EP300: variants seen among roughly 807,000 people sequenced by gnomAD.
EP300 encodes the protein histone acetyltransferase p300.
A neutral mutation model predicts 264.0 loss-of-function variants in EP300; 31 were observed. The observed-to-expected ratio is 0.12, with a 90% CI of 0.09 to 0.16. EP300 has a LOEUF of 0.16. EP300 is among the 10% of genes least tolerant of loss of function. The pLI is 1.00. For missense variants in EP300, 2,766 were observed against 3,052.9 expected (o/e 0.91, Z 2.21); for synonymous variants, 1,340 against 1,045.4 (o/e 1.28, Z -5.44).
At chr22:41,168,254 T>G (rs1462072244) in intron 23 of EP300, 195 bp from the exon 24 acceptor site, 4 of 607,108 alleles carry the variant, frequency 6.6e-6, no homozygotes, top group Non-Finnish European at 1.2e-5. Flanking sequence ...TAGAATGATA[T>G]GAAGATTAGC....
rs1601638344 is a variant in EP300 at position 41,175,388 on chromosome 22, G to T, written c.4780-859G>T. On this transcript the variant is annotated intron_variant, in intron 29 of 30. Transcript: ENST00000263253. ...TGTTTTACATTTTATTACTTTAATA[G>T]GTGTTTATAGTTATATACTAATTAA... Among the ~76,000 whole-genome samples the T allele has an allele frequency of 3.9e-5, 6 of 152,246 alleles. No homozygotes were observed. In the South Asian group the frequency reaches 1.2e-3, roughly 32 times the overall value.
intron 14 of EP300, among the ~76,000 whole-genome samples, chr22:41,151,488 A>G (rs1243454072): frequency 6.6e-6 from 1 of 152,156 alleles, no homozygotes; most frequent in Non-Finnish European, 1.5e-5. Flanking sequence ...AAAACAAGCC[A>G]GTCTTTCTTA....
At chr22:41,144,042 A>G (rs566384168) in intron 10 of EP300, among the ~76,000 whole-genome samples, 2 of 152,318 alleles carry the variant, frequency 1.3e-5, no homozygotes, top group South Asian at 2.1e-4. Flanking sequence ...AGTTGAAGGT[A>G]GGTAACTCTT....
Position 41,179,715 on chromosome 22 carries a change from GGTTTCT to G in EP300, c.*766_*771del. Reference sequence around the variant, plus strand: ...GCCAAATTGATGTATTATATATTGTGGTTTCTGTTTCTTGAAAGAATTTTTTTCGTT... The same window carrying G: ...GCCAAATTGATGTATTATATATTGTGGTTTCTTGAAAGAATTTTTTTCGTT... On this transcript the variant is annotated 3_prime_UTR_variant, in exon 31 of 31. Coordinates refer to ENST00000263253, the MANE Select transcript of EP300 (RefSeq NM_001429.4). 1 of 229,546 alleles carries G rather than the reference GGTTTCT, an allele frequency of 4.4e-6. No homozygotes were observed. Among genetic ancestry groups the G allele is most frequent in the East Asian group, 6.2e-5 (1 of 16,098 alleles). 14.2% of individuals were successfully genotyped at this position (229,546 alleles called of 1,614,324 possible).
At chr22:41,168,228 G>C (rs920435960) in intron 23 of EP300, 2 of 569,068 alleles carry the variant, frequency 3.5e-6, no homozygotes, top group Non-Finnish European at 3.1e-6. Flanking sequence ...TGCTTTAATA[G>C]CACATGTATT....
chr22:41,115,772 T>C (rs553854176), intron 1 of EP300, among the ~76,000 whole-genome samples: 1 of 152,318 alleles, frequency 6.6e-6, no homozygotes, highest in East Asian at 1.9e-4. Flanking sequence ...CATGGTGTTG[T>C]ACCCTATTCT....
chr22:41,110,666 C>T (rs1452136125), intron 1 of EP300, among the ~76,000 whole-genome samples: 4 of 152,038 alleles, frequency 2.6e-5, no homozygotes, highest in African/African-American at 7.2e-5. Context: ...GGCCTTCCAA[C>T]GTACTAGGAT....
intron 3 of EP300, among the ~76,000 whole-genome samples, chr22:41,126,975 C>A (rs1239470956): frequency 6.6e-6 from 1 of 151,980 alleles, no homozygotes; most frequent in South Asian, 2.1e-4. Flanking sequence ...AACTCCCGAC[C>A]TCAGGTGATC....
Position 41,092,765 on chromosome 22 carries a change from C to T in EP300, c.-240C>T, listed in dbSNP as rs2058679692. 9.6e-6 allele frequency: 6 copies of T among 622,138 alleles called. No individual in the cohort carries two copies. Among genetic ancestry groups the T allele is most frequent in the South Asian group, 1.9e-5 (1 of 52,370 alleles). 38.5% of individuals were successfully genotyped at this position (622,138 alleles called of 1,614,324 possible). On this transcript the variant is annotated 5_prime_UTR_variant, in exon 1 of 31. Coordinates refer to ENST00000263253, the MANE Select transcript of EP300 (RefSeq NM_001429.4). ...GCTCGGCGAATTTGTGCTCTTGTGC[C>T]CTCCTCCGGGCTTGGGCCCAGGCCC...
At chr22:41,111,175 A>AGGCTGGTCTT (rs1280456471) in intron 1 of EP300, among the ~76,000 whole-genome samples, 1 of 151,958 alleles carries the variant, frequency 6.6e-6, no homozygotes, top group Non-Finnish European at 1.5e-5. Flanking sequence ...CACGTTGGCC[A>AGGCTGGTCTT]GGCTGGTCTT....
Position 41,097,574 on chromosome 22 carries a change from A to G in EP300, c.94+4476A>G, listed in dbSNP as rs1176451334. Among the ~76,000 whole-genome samples the G allele has an allele frequency of 2.0e-5, 3 of 152,210 alleles. No individual in the cohort carries two copies. The East Asian group carries it at 5.8e-4, about 29-fold the overall frequency. ...TTGCAGATACAAGTGGGAGTGTAAA[A>G]TACTTTTTCCTGGTATATTTACAAA... is the stretch of plus-strand genomic sequence containing the variant. On this transcript the variant is annotated intron_variant, in intron 1 of 30. Transcript: ENST00000263253.
chr22:41,140,959 T>C (rs1229245320), intron 9 of EP300, 89 bp from the exon 10 acceptor site: 1 of 1,260,576 alleles, frequency 7.9e-7, no homozygotes, highest in Non-Finnish European at 1.1e-6. Flanking sequence ...AAAATGAAAC[T>C]AATATCTATT....
Position 41,178,060 on chromosome 22 carries a change from A to G in EP300, c.6349A>G (p.Thr2117Ala), listed in dbSNP as rs998587751. Residue 2117 changes from threonine to alanine, a missense_variant, in exon 31 of 31, where the codon ACC becomes GCC. Coordinates refer to ENST00000263253, the MANE Select transcript of EP300 (RefSeq NM_001429.4). ...GGGGCAGCCAGGGCTACAGCCACCT[A>G]CCATGCCAGGTCAGCAGGGGGTCCA... The part of the protein sequence containing the change: ...PQGQPGLQPP[T>A]MPGQQGVHSN... 4 of 1,614,018 alleles carry G rather than the reference A, an allele frequency of 2.5e-6. No individual in the cohort carries two copies. The African/African-American group carries it at 4.0e-5, about 16-fold the overall frequency.
At chr22:41,157,109 C>A in intron 17 of EP300, 60 bp from the exon 18 acceptor site, 1 of 1,604,502 alleles carries the variant, frequency 6.2e-7, no homozygotes, top group South Asian at 1.1e-5. Context: ...ATGGATGATA[C>A]TCCATCTCCC....
intron 1 of EP300, among the ~76,000 whole-genome samples, chr22:41,107,848 G>A (rs1221407939): frequency 1.3e-5 from 2 of 151,994 alleles, no homozygotes; most frequent in Non-Finnish European, 2.9e-5. Context: ...TTACAGGCAT[G>A]TGCCACCACA....
Position 41,092,859 on chromosome 22 carries a change from A to G in EP300, c.-146A>G. On this transcript the variant is annotated 5_prime_UTR_variant, in exon 1 of 31. Coordinates refer to ENST00000263253, the MANE Select transcript of EP300 (RefSeq NM_001429.4). The stretch of plus-strand genomic sequence containing the variant: ...CCTCTCCAGCCACTGCGACCCGGCG[A>G]AGAGAAAAAGGAACTTCCCCCACCC... 1.2e-6 allele frequency: 1 copy of G among 862,182 alleles called. No homozygotes were observed. Among genetic ancestry groups the G allele is most frequent in the South Asian group, 1.3e-5 (1 of 74,982 alleles). The allele number at this position is 862,182 out of a possible 1,614,324, so 53.4% of individuals were successfully genotyped here. A position where few individuals can be genotyped will look rare whatever the true frequency, so the allele number is the denominator to read the frequency against.
At chr22:41,139,348 G>A (rs1433005456) in intron 8 of EP300, among the ~76,000 whole-genome samples, 1 of 152,170 alleles carries the variant, frequency 6.6e-6, no homozygotes, top group Non-Finnish European at 1.5e-5. Context: ...AAGAATAACC[G>A]ATCTCTTATT....
In EP300 at chr22:41,146,736, T is replaced by C. The variant is rs375287913; in HGVS notation, c.2054-3T>C. ...AGATACTTATTTCTCTTTTTTACTC[T>C]AGATGGCCCTCTACCTGACCCAAGT... On this transcript the variant is annotated splice_polypyrimidine_tract_variant and splice_region_variant and intron_variant, in intron 10 of 30. Transcript: ENST00000263253. The C allele has an allele frequency of 1.1e-4, 183 of 1,613,954 alleles. No individual in the cohort carries two copies. In the African/African-American group the frequency reaches 2.2e-3, roughly 19 times the overall value.
intron 27 of EP300, among the ~76,000 whole-genome samples, chr22:41,170,799 C>CT (rs1210099307): frequency 2.6e-5 from 4 of 151,470 alleles, no homozygotes; most frequent in Non-Finnish European, 5.9e-5. Flanking sequence ...GTAGCTGGGA[C>CT]TACAGGCTCC....
Sources: gnomAD v4.1 joint callset for allele counts (sites outside exome capture counted in the v4.1 genomes callset) on GRCh38, gnomAD v4.1.1 for gene constraint, MANE v1.5 for transcripts, NCBI Gene and HGNC (gene_info 2026-07-23, HGNC 2026-07-21) for gene names.